SPG7: variants seen among roughly 807,000 people sequenced by gnomAD.
SPG7 encodes mitochondrial inner membrane m-AAA protease component paraplegin.
Under a neutral mutation model 81.9 loss-of-function variants are expected in SPG7, and 103 were observed. The ratio of observed to expected loss-of-function variants is 1.26; its 90% confidence interval spans 1.07 to 1.48. SPG7 has a LOEUF of 1.48. SPG7 is among the 40% of genes most tolerant of loss of function. The pLI, the probability that SPG7 is intolerant of heterozygous loss-of-function variation, is 0.00. For synonymous variants in SPG7, 534 were observed against 444.2 expected, an observed-to-expected ratio of 1.20 and a Z score of -2.54; for missense variants, 1,241 against 1,087.3, an observed-to-expected ratio of 1.14 and a Z score of -1.99.
intron 3 of SPG7, chr16:89,517,087 G>C (rs980663383): frequency 6.6e-6 from 1 of 152,356 alleles, no homozygotes; most frequent in African/African-American, 2.4e-5. Context: ...GAAAATCCAC[G>C]TGTCCGTGAT....
At chr16:89,552,648 A>ATCTC in intron 13 of SPG7, 1 of 372,646 alleles carries the variant, frequency 2.7e-6, no homozygotes, top group Admixed American at 3.8e-5. Flanking sequence ...CGCTGGTGTG[A>ATCTC]GGGGTCAGCG....
chr16:89,553,555 T>C (rs2058657917), intron 14 of SPG7: 1 of 571,336 alleles, frequency 1.8e-6, no homozygotes, highest in Admixed American at 3.0e-5. Flanking sequence ...TGCAGTGAGC[T>C]CCAGTATGCC....
At chr16:89,547,757 C>T (rs1370454082) in intron 11 of SPG7, 12 of 454,586 alleles carry the variant, frequency 2.6e-5, no homozygotes, top group South Asian at 4.1e-5. Flanking sequence ...GGATTACAGG[C>T]GCTCACCACC....
rs954357142 is a variant in SPG7, at chr16:89,512,986, A to G, written c.325A>G (p.Lys109Glu). The G allele has an allele frequency of 6.2e-7, 1 of 1,613,292 alleles. No individual in the cohort carries two copies. The highest frequency in any genetic ancestry group is 1.7e-5 in the Admixed American group (1 of 59,996). The change falls in exon 3 of 17, where the codon AAG becomes GAG. Residue 109 changes from lysine (K) to glutamate (E), a missense_variant. Transcript: ENST00000645818. ...TTTTAACACCTCAAGGTTGAAGCAG[A>G]AGAATAAGGAGAAGGATAAGTCGAA... ...FYFNTSRLKQ[K>E]NKEKDKSKGK...
intron 1 of SPG7, chr16:89,509,031 T>A: frequency 2.2e-6 from 1 of 451,602 alleles, no homozygotes; most frequent in Non-Finnish European, 4.5e-6. Context: ...CGTTTCTGTG[T>A]CCGCAAAATA....
intron 9 of SPG7, among the ~76,000 whole-genome samples, chr16:89,535,132 G>T (rs980217078): frequency 1.3e-5 from 2 of 152,212 alleles, no homozygotes; most frequent in African/African-American, 4.8e-5. Context: ...GTCGAGCAGT[G>T]CATTTGGCAG....
At chr16:89,531,089 T>C (rs1315513684) in intron 7 of SPG7, 7 of 537,312 alleles carry the variant, frequency 1.3e-5, no homozygotes, top group African/African-American at 3.8e-5. Flanking sequence ...CTCTGTGCTT[T>C]TTCCAGAACC....
intron 3 of SPG7, chr16:89,522,133 T>C (rs1763941515): frequency 6.6e-6 from 1 of 152,266 alleles, no homozygotes. Context: ...CCTTTGTGAA[T>C]ATGAAATTTA....
intron 9 of SPG7, among the ~76,000 whole-genome samples, chr16:89,534,296 A>T (rs1028908990): frequency 6.6e-6 from 1 of 151,970 alleles, no homozygotes; most frequent in African/African-American, 2.4e-5. Flanking sequence ...AGCACATAAC[A>T]TCTCTAGGGG....
At chr16:89,513,896 G>A (rs745695303) in intron 3 of SPG7, among the ~76,000 whole-genome samples, 3 of 152,214 alleles carry the variant, frequency 2.0e-5, no homozygotes, top group Non-Finnish European at 4.4e-5. Flanking sequence ...ATGTGGAAAT[G>A]ATGGTTCAGC....
At chr16:89,518,421 T>G (rs1456906398) in intron 3 of SPG7, 1 of 152,176 alleles carries the variant, frequency 6.6e-6, no homozygotes, top group Non-Finnish European at 1.5e-5. Context: ...CTGGAAGGAA[T>G]TATACGGAGT....
chr16:89,534,365 C>CT (rs1252481671), intron 9 of SPG7, among the ~76,000 whole-genome samples: 1 of 152,206 alleles, frequency 6.6e-6, no homozygotes, highest in Non-Finnish European at 1.5e-5. Context: ...ACGATGCTGC[C>CT]TTGTGTGTAG....
In SPG7 at chr16:89,529,532, T is replaced by C; in HGVS notation, c.814T>C (p.Phe272Leu). 6.2e-7 allele frequency: 1 copy of C among 1,614,114 alleles called. No homozygotes were observed. Among genetic ancestry groups the C allele is most frequent in the Non-Finnish European group, 8.5e-7 (1 of 1,179,974 alleles). Reference sequence around the variant, plus strand: ...GGGCCTGGCCATCCTGTGGTATGTTTTCCGTCTGGCCGGGATGACTGGAAG... The same window carrying C: ...GGGCCTGGCCATCCTGTGGTATGTTCTCCGTCTGGCCGGGATGACTGGAAG... ...AVGLAILWYVFRLAGMTGREG... is the reference protein window; with the variant it reads ...AVGLAILWYVLRLAGMTGREG... The change falls in exon 6 of 17, where the codon TTC (phenylalanine) becomes CTC (leucine). Residue 272 changes from phenylalanine (F) to leucine (L), a missense_variant. By Grantham distance (22) the Phe-to-Leu change is conservative (BLOSUM62 0). Coordinates refer to ENST00000645818, the MANE Select transcript of SPG7 (RefSeq NM_003119.4).
At chr16:89,536,632 T>TGAGGCGGGC (rs1260454639) in intron 9 of SPG7, 1 of 959,312 alleles carries the variant, frequency 1.0e-6, no homozygotes, top group Non-Finnish European at 1.5e-6. Context: ...TGAGGGCGGG[T>TGAGGCGGGC]GAGGCGGGCG....
chr16:89,544,856 C>T lies in SPG7; in HGVS notation c.1449+84C>T, dbSNP rs191198001. The T allele has an allele frequency of 1.5e-3, 2,293 of 1,540,858 alleles. 37 individuals carry two copies. In the African/African-American group the frequency reaches 0.028, roughly 19 times the overall value. ...GTGGTCTGGCCTCTCCTCTAAGACA[C>T]TTCTTGGTGTGAAGCCTGTCACAGC... On this transcript the variant is annotated intron_variant, in intron 10 of 16. Transcript: ENST00000645818.
intron 7 of SPG7, chr16:89,531,185 G>C: frequency 2.7e-6 from 1 of 363,956 alleles, no homozygotes; most frequent in Non-Finnish European, 5.3e-6. Context: ...GGCCTGGTAC[G>C]GTGGGTCGCA....
At chr16:89,515,260 T>A (rs1444165187) in intron 3 of SPG7, among the ~76,000 whole-genome samples, 1 of 148,428 alleles carries the variant, frequency 6.7e-6, no homozygotes, top group Non-Finnish European at 1.5e-5. Flanking sequence ...TTTTTAACTT[T>A]TATTTTGTAT....
At chr16:89,535,669 G>C (rs561338478) in intron 9 of SPG7, among the ~76,000 whole-genome samples, 194 of 152,326 alleles carry the variant, frequency 1.3e-3, no homozygotes, top group African/African-American at 4.5e-3. Flanking sequence ...GGAGAGACCC[G>C]TCCTCAGAGG....
intron 9 of SPG7, chr16:89,536,655 C>A (rs1410599787): frequency 4.5e-6 from 6 of 1,325,332 alleles, no homozygotes; most frequent in African/African-American, 3.1e-5. Flanking sequence ...GTGGGCGAGG[C>A]AGGCGAGGCG....
Sources: gnomAD v4.1 joint callset for allele counts (sites outside exome capture counted in the v4.1 genomes callset) on GRCh38, gnomAD v4.1.1 for gene constraint, MANE v1.5 for transcripts, NCBI Gene and HGNC (gene_info 2026-07-23, HGNC 2026-07-21) for gene names.